Variants in KCNQ1 observed in about 807,000 individuals in gnomAD.
KCNQ1 encodes potassium voltage-gated channel subfamily Q member 1.
In KCNQ1, 49 loss-of-function variants were observed where a neutral mutation model predicts 72.4. The observed-to-expected ratio is 0.68, with a 90% CI of 0.54 to 0.86. The LOEUF is 0.86. KCNQ1 is among the 40% of genes least tolerant of loss of function. The pLI, the probability that KCNQ1 is intolerant of heterozygous loss-of-function variation, is 0.00. For synonymous variants in KCNQ1, 450 were observed against 412.6 expected (o/e 1.09, Z -1.10); for missense variants, 790 against 945.1 (o/e 0.84, Z 2.15).
At chr11:2,505,176 C>A (rs942791376) in intron 1 of KCNQ1, among the ~76,000 whole-genome samples, 1 of 152,078 alleles carries the variant, frequency 6.6e-6, no homozygotes, top group Non-Finnish European at 1.5e-5. Flanking sequence ...AGGTGTTAAG[C>A]CCTACATGCA....
intron 1 of KCNQ1, chr11:2,521,376 A>G (rs10400365): frequency 0.77 from 301,454 of 393,064 alleles, 116,236 homozygotes; most frequent in East Asian, 0.83. Context: ...ACTGTGTGTT[A>G]TCCGGTGTCC....
Position 2,620,912 on chromosome 11 carries a change from T to C in KCNQ1, c.1393+32058T>C. The stretch of plus-strand genomic sequence containing the variant: ...ACTGGTGTGAGATGGCATCCCATTA[T>C]GGTTTGGTGTTTTTTTGTTGTTGTT... On this transcript the variant is annotated intron_variant, in intron 10 of 15. Coordinates refer to ENST00000155840, the MANE Select transcript of KCNQ1 (RefSeq NM_000218.3). The surrounding 1 kb of genome is among the most constrained non-coding windows in gnomAD (Gnocchi z 4.5). 1 of 397,436 alleles carries C rather than the reference T, an allele frequency of 2.5e-6. No individual in the cohort carries two copies. The allele number at this position is 397,436 out of a possible 1,614,324, so 24.6% of individuals were successfully genotyped here.
intron 2 of KCNQ1, among the ~76,000 whole-genome samples, chr11:2,529,326 G>C (rs985872970): frequency 6.6e-6 from 1 of 152,096 alleles, no homozygotes; most frequent in East Asian, 1.9e-4. Context: ...TTTCTTTTTC[G>C]GGGGTTTCCT....
intron 10 of KCNQ1, among the ~76,000 whole-genome samples, chr11:2,591,071 G>T (rs1197944979): frequency 2.6e-5 from 4 of 152,210 alleles, no homozygotes. Flanking sequence ...CAGTGCCTGG[G>T]ACTAACCCGA....
chr11:2,511,668 A>G (rs974560434), intron 1 of KCNQ1, among the ~76,000 whole-genome samples: 1 of 152,164 alleles, frequency 6.6e-6, no homozygotes, highest in Non-Finnish European at 1.5e-5. Flanking sequence ...GAATAATTCA[A>G]TGCCCCATGC....
At chr11:2,632,174 C>T in intron 10 of KCNQ1, 1 of 357,522 alleles carries the variant, frequency 2.8e-6, no homozygotes, top group Non-Finnish European at 4.7e-6. Context: ...CAGACCAAGA[C>T]TCTGCCTCAA....
chr11:2,736,837 G>A (rs756366390), intron 11 of KCNQ1, among the ~76,000 whole-genome samples: 55 of 152,178 alleles, frequency 3.6e-4, no homozygotes, highest in Admixed American at 3.9e-4. Context: ...GTGAAAACTC[G>A]GTCAAGATAA....
intron 2 of KCNQ1, among the ~76,000 whole-genome samples, chr11:2,546,551 G>A (rs1392183190): frequency 2.6e-5 from 4 of 152,100 alleles, no homozygotes; most frequent in Non-Finnish European, 5.9e-5. Flanking sequence ...GGAGAAGGAT[G>A]TTAGAATCTC....
intron 15 of KCNQ1, among the ~76,000 whole-genome samples, chr11:2,788,469 T>C (rs1326252244): frequency 1.3e-5 from 2 of 152,034 alleles, no homozygotes; most frequent in African/African-American, 4.8e-5. Context: ...GCTGGTTGCA[T>C]CAGAAAGTTA....
chr11:2,720,370 G>T lies in KCNQ1; in HGVS notation c.1515-48474G>T, dbSNP rs575997595. 3.5e-4 allele frequency among the ~76,000 whole-genome samples: 53 copies of T among 152,316 alleles called. No individual in the cohort carries two copies. Among genetic ancestry groups the T allele is most frequent in the African/African-American group, 1.3e-3 (52 of 41,574 alleles). On this transcript the variant is annotated intron_variant, in intron 11 of 15. Transcript: ENST00000155840. This position sits in a 1 kb window ranked among gnomAD's most constrained non-coding sequence, Gnocchi z 5.1. Reference sequence around the variant, plus strand: ...AGCCGCCTTCCGGGGCCCGGCTACAGTCAGGCCTCCTTCGTGCTGAGCATG... The same window carrying T: ...AGCCGCCTTCCGGGGCCCGGCTACATTCAGGCCTCCTTCGTGCTGAGCATG...
chr11:2,544,189 A>G lies in KCNQ1; in HGVS notation c.477+16171A>G, dbSNP rs867687413. Among the ~76,000 whole-genome samples, 9 of 151,936 alleles carry G rather than the reference A, an allele frequency of 5.9e-5. No individual in the cohort carries two copies. Among genetic ancestry groups the G allele is most frequent in the African/African-American group, 2.2e-4 (9 of 41,362 alleles). ...CATGGGGAGAATTGATGTCTTAACC[A>G]ATATTGAATCCTCTGATCAATGAGA... is the stretch of plus-strand genomic sequence containing the variant. On this transcript the variant is annotated intron_variant, in intron 2 of 15. Coordinates refer to ENST00000155840, the MANE Select transcript of KCNQ1 (RefSeq NM_000218.3). This position sits in a 1 kb window ranked among gnomAD's most constrained non-coding sequence, Gnocchi z 4.4.
intron 1 of KCNQ1, among the ~76,000 whole-genome samples, chr11:2,474,112 G>T (rs539146872): frequency 1.3e-5 from 2 of 152,260 alleles, no homozygotes; most frequent in African/African-American, 4.8e-5. Flanking sequence ...TCTTTCTTTC[G>T]AAACAGGCTT....
At chr11:2,761,960 T>G (rs959333891) in intron 11 of KCNQ1, among the ~76,000 whole-genome samples, 2 of 152,252 alleles carry the variant, frequency 1.3e-5, no homozygotes, top group African/African-American at 4.8e-5. Flanking sequence ...GAACAGGATC[T>G]GAGGAGCCCC....
Position 2,446,985 on chromosome 11 carries a change from C to T in KCNQ1, c.386+1501C>T, listed in dbSNP as rs537559543. ...TGCTGGTGGCCACCTGCCTCCCGGA[C>T]CCCAGACTCTCTGAGATGTCCAAGG... On this transcript the variant is annotated intron_variant, in intron 1 of 15. Transcript: ENST00000155840. This position sits in a 1 kb window ranked among gnomAD's most constrained non-coding sequence, Gnocchi z 8.8. Among the ~76,000 whole-genome samples the T allele has an allele frequency of 1.1e-4, 16 of 152,266 alleles. No homozygotes were observed. In the East Asian group the frequency reaches 3.1e-3, roughly 29 times the overall value.
At chr11:2,831,351 G>A (rs1247960070) in intron 15 of KCNQ1, among the ~76,000 whole-genome samples, 2 of 152,138 alleles carry the variant, frequency 1.3e-5, no homozygotes, top group Non-Finnish European at 2.9e-5. Flanking sequence ...AGTGGCGGCT[G>A]GAAATAACCC....
At chr11:2,594,378 T>A (rs993257317) in intron 10 of KCNQ1, among the ~76,000 whole-genome samples, 1 of 152,236 alleles carries the variant, frequency 6.6e-6, no homozygotes, top group Admixed American at 6.5e-5. Flanking sequence ...GAGGTTTCAA[T>A]GTACTGTACC....
chr11:2,585,074 C>G, intron 7 of KCNQ1, 138 bp from the exon 8 acceptor site: 3 of 771,380 alleles, frequency 3.9e-6, no homozygotes, highest in South Asian at 2.9e-5. Context: ...AGGCTGGGCC[C>G]GAGGTGGGAC....
chr11:2,677,112 T>C lies in KCNQ1; in HGVS notation c.1514+15031T>C, dbSNP rs1850307233. The C allele has an allele frequency of 2.5e-6, 1 of 398,646 alleles. No individual in the cohort carries two copies. Among genetic ancestry groups the C allele is most frequent in the Non-Finnish European group, 4.4e-6 (1 of 226,066 alleles). 24.7% of individuals were successfully genotyped at this position (398,646 alleles called of 1,614,324 possible). A position where few individuals can be genotyped will look rare whatever the true frequency, so the allele number is the denominator to read the frequency against. On this transcript the variant is annotated intron_variant, in intron 11 of 15. Transcript: ENST00000155840. The surrounding 1 kb of genome is among the most constrained non-coding windows in gnomAD (Gnocchi z 4.5). ...CTACTGAAATGACCACTTATGAAAT[T>C]AGTTTCCCTGAAACATCCCTCCCTA...
intron 1 of KCNQ1, among the ~76,000 whole-genome samples, chr11:2,466,895 A>G (rs951959907): frequency 6.6e-6 from 1 of 152,210 alleles, no homozygotes; most frequent in Non-Finnish European, 1.5e-5. Context: ...GCCCGCTCCC[A>G]GAACACCTGG....
Sources: allele counts gnomAD v4.1 joint callset (sites outside exome capture counted in the v4.1 genomes callset), GRCh38; gene constraint gnomAD v4.1.1; non-coding constraint Gnocchi (gnomAD v3.1); transcripts MANE v1.5; gene names NCBI Gene and HGNC (gene_info 2026-07-23, HGNC 2026-07-21).